The following PARG variants were observed in gnomAD, a reference collection of about 807,000 sequenced individuals.
The protein encoded by PARG is mitochondrial poly(ADP-ribose) glycohydrolase.
A neutral mutation model predicts 113.0 loss-of-function variants in PARG; 35 were observed. That is an observed-to-expected ratio of 0.31 (90% confidence interval 0.24 to 0.41). The LOEUF (loss-of-function observed/expected upper bound fraction) is 0.41, where lower values mean the gene tolerates loss of function less well. Among genes scored for constraint, PARG ranks in the 10% least tolerant of loss-of-function variants. PARG has a pLI of 1.00. For synonymous variants in PARG, 330 were observed against 409.9 expected (o/e 0.81, Z 2.36); for missense variants, 797 against 1,169.4 (o/e 0.68, Z 4.64).
At chr10:49,887,048 C>CTT (rs1317586482) in intron 7 of PARG, among the ~76,000 whole-genome samples, 1 of 139,152 alleles carries the variant, frequency 7.2e-6, no homozygotes, top group Non-Finnish European at 1.6e-5. Flanking sequence ...TATAATTTAT[C>CTT]TTTTTTTTTT....
chr10:49,928,616 T>C (rs1838334890), intron 4 of PARG, among the ~76,000 whole-genome samples: 1 of 152,234 alleles, frequency 6.6e-6, no homozygotes. Context: ...GTAATCCTTC[T>C]GCCTTAGCCT....
intron 7 of PARG, among the ~76,000 whole-genome samples, chr10:49,915,074 G>C (rs1554847228): frequency 1.3e-5 from 2 of 151,642 alleles, no homozygotes; most frequent in African/African-American, 4.8e-5. Flanking sequence ...AAATCTTCAT[G>C]ATCTTAGATT....
chr10:49,837,353 G>T (rs538890772), intron 15 of PARG, among the ~76,000 whole-genome samples: 146 of 145,276 alleles, frequency 1.0e-3, no homozygotes, highest in African/African-American at 3.5e-3. Flanking sequence ...AAAAATGTGG[G>T]TTTTTTTTTT....
At chr10:49,835,719 G>A (rs538753563) in intron 15 of PARG, among the ~76,000 whole-genome samples, 1 of 152,096 alleles carries the variant, frequency 6.6e-6, no homozygotes, top group Admixed American at 6.6e-5. Flanking sequence ...GTATCCAGGG[G>A]AATAGTCTGG....
At chr10:49,837,625 G>A (rs1382439706) in intron 15 of PARG, among the ~76,000 whole-genome samples, 3 of 152,094 alleles carry the variant, frequency 2.0e-5, no homozygotes, top group Admixed American at 6.5e-5. Context: ...TAATCTAGAA[G>A]GCCTAAAGTT....
chr10:49,852,523 C>T (rs2132498212), intron 13 of PARG, among the ~76,000 whole-genome samples: 1 of 149,594 alleles, frequency 6.7e-6, no homozygotes, highest in African/African-American at 2.5e-5. Flanking sequence ...TTTACATTAA[C>T]ATTAATGGAG....
rs1843946924 is a variant in PARG at position 49,819,287 on chromosome 10, C to G, written c.*53G>C. ...AATTCATATATTACACCTGACAGCTCAAACAGGACGTCTCTGGTGGGAGGT... is the reference window on the plus strand; with the variant it reads ...AATTCATATATTACACCTGACAGCTGAAACAGGACGTCTCTGGTGGGAGGT... On this transcript the variant is annotated 3_prime_UTR_variant, in exon 18 of 18. Transcript: ENST00000616448. 2 of 1,454,098 alleles carry G rather than the reference C, an allele frequency of 1.4e-6. No individual in the cohort carries two copies. Among genetic ancestry groups the G allele is most frequent in the East Asian group, 2.5e-5 (1 of 40,294 alleles). 90.1% of individuals were successfully genotyped at this position (1,454,098 alleles called of 1,614,324 possible).
At chr10:49,884,473 C>A (rs1847365060) in intron 8 of PARG, among the ~76,000 whole-genome samples, 1 of 152,164 alleles carries the variant, frequency 6.6e-6, no homozygotes, top group African/African-American at 2.4e-5. Context: ...GTGGCGCACG[C>A]CTGTAATCCC....
chr10:49,932,454 AAACTCAAG>A (rs1838538652), intron 3 of PARG, among the ~76,000 whole-genome samples, 171 bp from the exon 4 acceptor site: 1 of 152,224 alleles, frequency 6.6e-6, no homozygotes, highest in Non-Finnish European at 1.5e-5. Flanking sequence ...AAAGCTTATA[AAACTCAAG>A]AGCTTATTTT....
chr10:49,928,578 G>C, intron 4 of PARG, among the ~76,000 whole-genome samples: 1 of 152,206 alleles, frequency 6.6e-6, no homozygotes, highest in East Asian at 1.9e-4. Flanking sequence ...GTCTTACTCT[G>C]TCATCCAGGC....
intron 7 of PARG, among the ~76,000 whole-genome samples, chr10:49,902,746 T>A (rs1848400378): frequency 6.6e-6 from 1 of 152,148 alleles, no homozygotes; most frequent in Non-Finnish European, 1.5e-5. Flanking sequence ...ATCTCAGCAC[T>A]CTGGGAGGCC....
At chr10:49,851,748 T>C (rs1176952457) in intron 13 of PARG, among the ~76,000 whole-genome samples, 1 of 145,580 alleles carries the variant, frequency 6.9e-6, no homozygotes, top group Non-Finnish European at 1.5e-5. Flanking sequence ...GAAACTATTT[T>C]CTGGATGTTG....
chr10:49,941,312 A>T (rs1839046923), intron 1 of PARG, among the ~76,000 whole-genome samples, 197 bp downstream of exon 1: 1 of 152,112 alleles, frequency 6.6e-6, no homozygotes, highest in Admixed American at 6.5e-5. Context: ...TGCTCATCAG[A>T]GTTTCTCACA....
At chr10:49,876,655 TA>T (rs1228446200) in intron 9 of PARG, among the ~76,000 whole-genome samples, 1 of 152,118 alleles carries the variant, frequency 6.6e-6, no homozygotes, top group African/African-American at 2.4e-5. Flanking sequence ...GGAGGAGGAA[TA>T]AAAGCCATGT....
chr10:49,929,407 A>G (rs1418512671), intron 4 of PARG, among the ~76,000 whole-genome samples: 2 of 151,610 alleles, frequency 1.3e-5, no homozygotes, highest in African/African-American at 4.8e-5. Context: ...GCAACCTTCT[A>G]TTTTCTTTTT....
intron 8 of PARG, among the ~76,000 whole-genome samples, chr10:49,881,195 C>T (rs1265023819): frequency 6.6e-6 from 1 of 152,026 alleles, no homozygotes; most frequent in East Asian, 1.9e-4. Flanking sequence ...ACCTGTAAGC[C>T]CCCTTTACAT....
At position 49,842,075 on chromosome 10, in the gene PARG, A is replaced by G; in HGVS notation, c.2433-17T>C. ...CAGTCGTCCCTGGGACAGGAAGGAA[A>G]GGGGAGAAAAGATAAGGAACAGGTA... On this transcript the variant is annotated splice_polypyrimidine_tract_variant and intron_variant, in intron 14 of 17. Transcript: ENST00000616448. The G allele has an allele frequency of 6.6e-7, 1 of 1,510,296 alleles. No individual in the cohort carries two copies. The highest frequency in any genetic ancestry group is 1.2e-5 in the South Asian group (1 of 83,260). The allele number at this position is 1,510,296 out of a possible 1,614,324, so 93.6% of individuals were successfully genotyped here. A position where few individuals can be genotyped will look rare whatever the true frequency, so the allele number is the denominator to read the frequency against.
intron 13 of PARG, among the ~76,000 whole-genome samples, chr10:49,846,851 G>T (rs1554833421): frequency 6.6e-6 from 1 of 151,902 alleles, no homozygotes; most frequent in Admixed American, 6.6e-5. Flanking sequence ...AGAAATGGCT[G>T]ATTCCAGAGC....
intron 16 of PARG, 70 bp from the exon 17 acceptor site, chr10:49,820,363 G>C (rs924550517): frequency 6.6e-6 from 7 of 1,067,576 alleles, no homozygotes; most frequent in Non-Finnish European, 9.5e-6. Context: ...CTCTTTACCA[G>C]CTGGTGTGCC....
Sources: allele counts gnomAD v4.1 joint callset (sites outside exome capture counted in the v4.1 genomes callset), GRCh38; gene constraint gnomAD v4.1.1; transcripts MANE v1.5; gene names NCBI Gene and HGNC (gene_info 2026-07-23, HGNC 2026-07-21).